The following GALNTL6 variants were observed in gnomAD, a reference collection of about 807,000 sequenced individuals.
The protein encoded by GALNTL6 is polypeptide N-acetylgalactosaminyltransferase-like 6.
GALNTL6 carries 46 observed loss-of-function variants against 73.7 expected under a neutral mutation model. The ratio of observed to expected loss-of-function variants is 0.62; its 90% CI spans 0.49 to 0.80. The LOEUF (loss-of-function observed/expected upper bound fraction) is 0.80, where lower values mean the gene tolerates loss of function less well. Ranked by LOEUF, GALNTL6 falls within the 30% of genes least tolerant of loss-of-function variation. The pLI is 0.00. For synonymous variants in GALNTL6, 259 were observed against 263.7 expected (o/e 0.98, Z 0.17); for missense variants, 604 against 755.0 (o/e 0.80, Z 2.34).
At chr4:172,910,808 G>A (rs1747157661) in intron 8 of GALNTL6, among the ~76,000 whole-genome samples, 1 of 152,122 alleles carries the variant, frequency 6.6e-6, no homozygotes, top group Non-Finnish European at 1.5e-5. Flanking sequence ...GTGGATCCCA[G>A]GGTAGCTTCT....
intron 12 of GALNTL6, among the ~76,000 whole-genome samples, chr4:173,032,114 C>A (rs1430089428): frequency 6.6e-6 from 1 of 152,130 alleles, no homozygotes; most frequent in Non-Finnish European, 1.5e-5. Context: ...AGAAAATGAA[C>A]TATTAGGTTG....
rs549835616 is a variant in GALNTL6 at position 171,966,421 on chromosome 4, T to C, written c.138+151703T>C. On this transcript the variant is annotated intron_variant, in intron 2 of 12. Transcript: ENST00000506823. ...CGCAGACAGGCCATTATAAATGGGC[T>C]TTGGCAATTCAATATGGAGAGCGCT... Among the ~76,000 whole-genome samples, 11 of 152,278 alleles carry C rather than the reference T, an allele frequency of 7.2e-5. No individual in the cohort carries two copies. In the South Asian group the frequency reaches 1.2e-3, roughly 17 times the overall value.
chr4:172,767,988 G>A (rs1301070898), intron 5 of GALNTL6, among the ~76,000 whole-genome samples: 1 of 151,990 alleles, frequency 6.6e-6, no homozygotes, highest in East Asian at 1.9e-4. Flanking sequence ...TATTTTAACA[G>A]ACTGCAAAGA....
chr4:172,786,914 A>C (rs2110915537), intron 5 of GALNTL6, among the ~76,000 whole-genome samples: 1 of 152,346 alleles, frequency 6.6e-6, no homozygotes, highest in East Asian at 1.9e-4. Context: ...TTTATCACAA[A>C]GTGAACTAGA....
intron 5 of GALNTL6, among the ~76,000 whole-genome samples, chr4:172,452,502 T>C (rs1375099152): frequency 6.6e-6 from 1 of 152,188 alleles, no homozygotes; most frequent in Non-Finnish European, 1.5e-5. Context: ...TTTTATAAGA[T>C]CTTTATTCAA....
intron 5 of GALNTL6, among the ~76,000 whole-genome samples, chr4:172,488,192 T>G (rs1425493574): frequency 3.3e-5 from 5 of 152,176 alleles, no homozygotes; most frequent in African/African-American, 1.2e-4. Flanking sequence ...CATTGTGCCT[T>G]GTTACAGACT....
At chr4:172,010,077 A>C (rs551259718) in intron 2 of GALNTL6, among the ~76,000 whole-genome samples, 1 of 152,240 alleles carries the variant, frequency 6.6e-6, no homozygotes, top group Non-Finnish European at 1.5e-5. Flanking sequence ...AACTTCCTAC[A>C]TAGTGTATTT....
At chr4:172,303,064 A>G (rs1739997250) in intron 3 of GALNTL6, among the ~76,000 whole-genome samples, 1 of 151,998 alleles carries the variant, frequency 6.6e-6, no homozygotes, top group African/African-American at 2.4e-5. Flanking sequence ...CAGTGGTGCG[A>G]TTTTGGCTCA....
chr4:171,940,744 GGAGGCGGAGCTTGCAGT>G (rs1280998264), intron 2 of GALNTL6, among the ~76,000 whole-genome samples: 4 of 151,724 alleles, frequency 2.6e-5, no homozygotes, highest in African/African-American at 9.7e-5. Flanking sequence ...TGTAAACCCG[GGAGGCGGAGCTTGCAGT>G]GAGCCGGGAT....
chr4:172,919,388 AAAGCTCTC>A (rs1747683477), intron 8 of GALNTL6, among the ~76,000 whole-genome samples: 2 of 152,064 alleles, frequency 1.3e-5, no homozygotes, highest in Non-Finnish European at 2.9e-5. Flanking sequence ...ATGGCCGCTG[AAAGCTCTC>A]GGGCTTTCAT....
chr4:172,890,143 T>C (rs1745952199), intron 8 of GALNTL6, among the ~76,000 whole-genome samples: 1 of 152,158 alleles, frequency 6.6e-6, no homozygotes, highest in Admixed American at 6.6e-5. Context: ...TCTTCTCTCT[T>C]TTTTTCTTTA....
intron 3 of GALNTL6, among the ~76,000 whole-genome samples, chr4:172,236,485 G>A (rs368842739): frequency 5.0e-4 from 76 of 151,568 alleles, no homozygotes; most frequent in African/African-American, 1.7e-3. Context: ...GCATGAACCC[G>A]GGAGGCAGGG....
chr4:171,911,273 C>A (rs770717226), intron 2 of GALNTL6, among the ~76,000 whole-genome samples: 16 of 152,210 alleles, frequency 1.1e-4, no homozygotes, highest in Non-Finnish European at 1.9e-4. Context: ...AAGCCTCCCA[C>A]TTCAGCCTCC....
At chr4:171,956,011 T>G (rs76455697) in intron 2 of GALNTL6, among the ~76,000 whole-genome samples, 39,833 of 151,458 alleles carry the variant, frequency 0.26, 5,972 homozygotes, top group African/African-American at 0.41. Context: ...TGTGTGTGTG[T>G]GTGGGACAGG....
At chr4:172,443,133 T>C (rs1356975249) in intron 5 of GALNTL6, among the ~76,000 whole-genome samples, 1 of 109,678 alleles carries the variant, frequency 9.1e-6, no homozygotes, top group African/African-American at 4.8e-5. Context: ...TATATATATA[T>C]ATATATATAT....
At chr4:172,459,734 C>T (rs796107204) in intron 5 of GALNTL6, among the ~76,000 whole-genome samples, 1 of 152,158 alleles carries the variant, frequency 6.6e-6, no homozygotes, top group South Asian at 2.1e-4. Context: ...AAATGGAAAA[C>T]ATTCCATGCT....
chr4:173,018,562 A>C (rs901770020), intron 11 of GALNTL6, among the ~76,000 whole-genome samples: 3 of 152,192 alleles, frequency 2.0e-5, no homozygotes, highest in Admixed American at 1.3e-4. Context: ...ATCATGATGA[A>C]ATAGGTAAGG....
chr4:172,297,267 A>G (rs1445352747), intron 3 of GALNTL6, among the ~76,000 whole-genome samples: 2 of 152,134 alleles, frequency 1.3e-5, no homozygotes, highest in African/African-American at 4.8e-5. Context: ...CGTTTGTCAG[A>G]TGAGTAGATT....
intron 2 of GALNTL6, among the ~76,000 whole-genome samples, chr4:172,090,612 C>G (rs994301969): frequency 5.3e-5 from 8 of 151,860 alleles, no homozygotes; most frequent in Admixed American, 2.0e-4. Flanking sequence ...TCAGATGGAT[C>G]AATTGCAAAA....
Sources: gnomAD v4.1 joint callset for allele counts (sites outside exome capture counted in the v4.1 genomes callset) on GRCh38, gnomAD v4.1.1 for gene constraint, MANE v1.5 for transcripts, NCBI Gene and HGNC (gene_info 2026-07-23, HGNC 2026-07-21) for gene names.